Variants in PCDHGA1 observed in about 807,000 individuals in gnomAD.
PCDHGA1 encodes the protein protocadherin gamma subfamily A, 1.
Under a neutral mutation model 58.0 loss-of-function variants are expected in PCDHGA1, and 32 were observed. The observed-to-expected ratio is 0.55, with a 90% CI of 0.42 to 0.74. PCDHGA1 has a LOEUF of 0.74. Ranked by LOEUF, PCDHGA1 falls within the 30% of genes least tolerant of loss-of-function variation. The pLI is 0.00. For missense variants in PCDHGA1, 1,205 were observed against 1,182.3 expected (o/e 1.02, Z -0.28); for synonymous variants, 498 against 501.1 (o/e 0.99, Z 0.08).
At chr5:141,391,324 T>C (rs1246568740) in intron 1 of PCDHGA1, 2 of 151,644 alleles carry the variant, frequency 1.3e-5, no homozygotes, top group Non-Finnish European at 2.9e-5. Context: ...TTTCTTTTTT[T>C]TTTTTTGAGA....
chr5:141,370,832 T>C, intron 1 of PCDHGA1: 1 of 1,614,018 alleles, frequency 6.2e-7, no homozygotes. Flanking sequence ...GCGAACTGGC[T>C]CTCACTGGAG....
In PCDHGA1 at chr5:141,419,962, GCT is replaced by G. The variant is rs1374844110; in HGVS notation, c.2422-74842_2422-74841del. ...TGGTGGCCTTGGCCTTGATTTCTGTGCTCTTTCTCCTCGCGGTGATTCTAGCT... is the reference window on the plus strand; with the variant it reads ...TGGTGGCCTTGGCCTTGATTTCTGTGCTTTCTCCTCGCGGTGATTCTAGCT... On this transcript the variant is annotated intron_variant, in intron 1 of 3. Coordinates refer to ENST00000517417, the MANE Select transcript of PCDHGA1 (RefSeq NM_018912.3). The G allele has an allele frequency of 3.1e-6, 5 of 1,613,974 alleles. No homozygotes were observed. In the African/African-American group the frequency reaches 4.0e-5, roughly 13 times the overall value.
chr5:141,383,833 A>T (rs1264167021), intron 1 of PCDHGA1: 2 of 1,613,926 alleles, frequency 1.2e-6, no homozygotes, highest in Non-Finnish European at 1.7e-6. Flanking sequence ...TTATGAAGAA[A>T]CTGCCTTCTA....
At chr5:141,400,819 C>A (rs1316119038) in intron 1 of PCDHGA1, among the ~76,000 whole-genome samples, 1 of 152,132 alleles carries the variant, frequency 6.6e-6, no homozygotes, top group African/African-American at 2.4e-5. Flanking sequence ...TTTACCTATT[C>A]GTTGTCTCAT....
chr5:141,423,689 G>A (rs2096767103), intron 1 of PCDHGA1: 2 of 1,400,130 alleles, frequency 1.4e-6, no homozygotes, highest in Non-Finnish European at 9.4e-7. Context: ...CCTCCTAATT[G>A]TTGGTGTCTT....
chr5:141,488,540 A>C (rs901890616), intron 1 of PCDHGA1, among the ~76,000 whole-genome samples: 6 of 152,146 alleles, frequency 3.9e-5, no homozygotes, highest in Admixed American at 2.0e-4. Context: ...GCTAAGTCCC[A>C]TGTCAGCTGA....
At position 141,432,185 on chromosome 5, in the gene PCDHGA1, G is replaced by A. The variant is rs376661062; in HGVS notation, c.2422-62622G>A. 8.1e-6 allele frequency: 13 copies of A among 1,613,956 alleles called. No individual in the cohort carries two copies. The African/African-American group carries it at 1.3e-4, about 17-fold the overall frequency. On this transcript the variant is annotated intron_variant, in intron 1 of 3. Transcript: ENST00000517417. This position sits in a 1 kb window ranked among gnomAD's most constrained non-coding sequence, Gnocchi z 6.0. ...AGGAGTTTCCCTCGTCTCTGTGACC[G>A]CCCACGACCCCGACTGTGAAGAGAA...
chr5:141,424,076 A>C, intron 1 of PCDHGA1: 2 of 979,452 alleles, frequency 2.0e-6, no homozygotes, highest in Non-Finnish European at 2.5e-6. Flanking sequence ...TTGTAGTTAT[A>C]TTCCACCATT....
chr5:141,490,941 A>G lies in PCDHGA1; in HGVS notation c.2422-3866A>G. The G allele has an allele frequency of 6.2e-7, 1 of 1,613,628 alleles. No homozygotes were observed. The highest frequency in any genetic ancestry group is 8.5e-7 in the Non-Finnish European group (1 of 1,179,772). On this transcript the variant is annotated intron_variant, in intron 1 of 3. Coordinates refer to ENST00000517417, the MANE Select transcript of PCDHGA1 (RefSeq NM_018912.3). The surrounding 1 kb of genome is among the most constrained non-coding windows in gnomAD (Gnocchi z 5.4). ...ATAATGCCCCAGCTGTGCTGCACCC[A>G]CGGCCAGACTGGGAACACTCAGCCC... is the stretch of plus-strand genomic sequence containing the variant.
At chr5:141,419,049 C>T in intron 1 of PCDHGA1, 6 of 1,613,954 alleles carry the variant, frequency 3.7e-6, no homozygotes, top group Non-Finnish European at 5.1e-6. Flanking sequence ...ATTCATTCTT[C>T]TTCTAATAAT....
intron 1 of PCDHGA1, chr5:141,428,232 G>C (rs546567556): frequency 9.3e-7 from 1 of 1,071,494 alleles, no homozygotes; most frequent in African/African-American, 1.5e-5. Context: ...CAGACAGCCT[G>C]CAGGAGGCAC....
At chr5:141,348,048 C>T (rs1192119098) in intron 1 of PCDHGA1, among the ~76,000 whole-genome samples, 4 of 152,310 alleles carry the variant, frequency 2.6e-5, no homozygotes, top group South Asian at 2.1e-4. Context: ...GAATAGAAGT[C>T]CCTTCTTTTG....
At chr5:141,488,578 G>A (rs1286219713) in intron 1 of PCDHGA1, among the ~76,000 whole-genome samples, 2 of 152,178 alleles carry the variant, frequency 1.3e-5, no homozygotes, top group Non-Finnish European at 2.9e-5. Flanking sequence ...AGCATTGCTG[G>A]AGAGTCAGGG....
chr5:141,505,614 A>G (rs2154593732), intron 3 of PCDHGA1, 133 bp downstream of exon 3: 1 of 1,510,758 alleles, frequency 6.6e-7, no homozygotes, highest in Non-Finnish European at 8.9e-7. Context: ...GTCTGAAAGG[A>G]CCCACAATTC....
intron 1 of PCDHGA1, chr5:141,333,536 G>T (rs973916004): frequency 8.3e-6 from 2 of 240,320 alleles, no homozygotes; most frequent in Admixed American, 5.2e-5. Context: ...TAATGTAGAT[G>T]TCATCTGTCA....
chr5:141,437,956 T>A (rs998689841), intron 1 of PCDHGA1, among the ~76,000 whole-genome samples: 6 of 152,178 alleles, frequency 3.9e-5, no homozygotes, highest in African/African-American at 1.4e-4. Context: ...CAGAATGGTC[T>A]TGATCTCTTG....
intron 1 of PCDHGA1, chr5:141,479,290 T>C (rs1045200175): frequency 1.3e-5 from 2 of 152,438 alleles, no homozygotes; most frequent in Non-Finnish European, 2.9e-5. Flanking sequence ...AAAATAAATC[T>C]AGGCAACCCA....
chr5:141,383,147 G>C, intron 1 of PCDHGA1: 1 of 1,614,150 alleles, frequency 6.2e-7, no homozygotes, highest in South Asian at 1.1e-5. Flanking sequence ...CGCAGCGGCA[G>C]CTTGGTCACT....
intron 1 of PCDHGA1, among the ~76,000 whole-genome samples, chr5:141,363,275 A>G (rs987748998): frequency 6.6e-6 from 1 of 152,224 alleles, no homozygotes; most frequent in African/African-American, 2.4e-5. Flanking sequence ...TTGCTTTTGA[A>G]TTTCCTAATT....
Sources: gnomAD v4.1 joint callset for allele counts (sites outside exome capture counted in the v4.1 genomes callset) on GRCh38, gnomAD v4.1.1 for gene constraint, Gnocchi (gnomAD v3.1) non-coding constraint, MANE v1.5 for transcripts, NCBI Gene and HGNC (gene_info 2026-07-23, HGNC 2026-07-21) for gene names.